The following HYCC2 variants were observed in gnomAD, a reference collection of about 807,000 sequenced individuals.
The protein encoded by HYCC2 is hyccin PI4KA lipid kinase complex subunit 2.
the HYCC2 span, among the ~76,000 whole-genome samples, chr2:201,039,930 T>C: frequency 6.6e-6 from 1 of 152,096 alleles, no homozygotes; most frequent in Admixed American, 6.5e-5. Context: ...ATCCCAGCAC[T>C]TTGGGAGGCC....
chr2:201,029,514 G>GAC, the HYCC2 span, among the ~76,000 whole-genome samples: 11 of 152,254 alleles, frequency 7.2e-5, no homozygotes, highest in Non-Finnish European at 1.5e-4. Context: ...CAATAGCAAA[G>GAC]ACTTGGAACC....
chr2:201,035,861 G>A, the HYCC2 span, among the ~76,000 whole-genome samples: 4 of 152,094 alleles, frequency 2.6e-5, no homozygotes, highest in African/African-American at 9.7e-5. Flanking sequence ...GTTTGCCGGA[G>A]GTCCACTCCA....
At chr2:201,069,949 A>T in the HYCC2 span, among the ~76,000 whole-genome samples, 1 of 152,208 alleles carries the variant, frequency 6.6e-6, no homozygotes, top group Non-Finnish European at 1.5e-5. Flanking sequence ...TCTGACATGC[A>T]GTACCGAAAT....
the HYCC2 span, among the ~76,000 whole-genome samples, chr2:201,017,343 C>A: frequency 1.5e-4 from 23 of 151,860 alleles, no homozygotes; most frequent in African/African-American, 5.3e-4. Flanking sequence ...ATTAAACTGA[C>A]CAATCCACTA....
chr2:201,041,976 T>C, the HYCC2 span, among the ~76,000 whole-genome samples: 2 of 151,794 alleles, frequency 1.3e-5, no homozygotes, highest in African/African-American at 2.4e-5. Flanking sequence ...GGTCCTCCTC[T>C]CCCCTTTGCA....
the HYCC2 span, among the ~76,000 whole-genome samples, chr2:201,010,895 C>T: frequency 6.6e-6 from 1 of 151,456 alleles, no homozygotes; most frequent in Non-Finnish European, 1.5e-5. Context: ...ACCTGTAATC[C>T]CAGCACTTTG....
the HYCC2 span, among the ~76,000 whole-genome samples, chr2:201,020,741 TG>T: frequency 6.6e-6 from 1 of 152,182 alleles, no homozygotes; most frequent in African/African-American, 2.4e-5. Context: ...ATGGTAGATT[TG>T]AATCTGAAAA....
chr2:201,008,764 G>A, the HYCC2 span, among the ~76,000 whole-genome samples: 1 of 152,100 alleles, frequency 6.6e-6, no homozygotes, highest in African/African-American at 2.4e-5. Context: ...CAGGCATGGT[G>A]GTGTACACCT....
At chr2:201,052,454 A>T in the HYCC2 span, among the ~76,000 whole-genome samples, 6 of 152,006 alleles carry the variant, frequency 3.9e-5, no homozygotes, top group African/African-American at 7.2e-5. Context: ...AAAAAATTTT[A>T]AAAATTAGCC....
At chr2:200,982,246 A>C in the HYCC2 span, among the ~76,000 whole-genome samples, 1 of 151,258 alleles carries the variant, frequency 6.6e-6, no homozygotes, top group Non-Finnish European at 1.5e-5. Context: ...AAAAAAAAAA[A>C]CTTTTCCCCT....
At chr2:201,066,143 G>A in the HYCC2 span, among the ~76,000 whole-genome samples, 6 of 150,746 alleles carry the variant, frequency 4.0e-5, no homozygotes, top group Admixed American at 1.3e-4. Flanking sequence ...ACACAATCTT[G>A]GCTCACTGCA....
At chr2:200,983,704 A>C in the HYCC2 span, among the ~76,000 whole-genome samples, 4 of 152,204 alleles carry the variant, frequency 2.6e-5, no homozygotes, top group Non-Finnish European at 5.9e-5. Flanking sequence ...CAATTAGTAT[A>C]AAGAACTCCA....
At chr2:201,024,443 C>T in the HYCC2 span, among the ~76,000 whole-genome samples, 1 of 152,116 alleles carries the variant, frequency 6.6e-6, no homozygotes, top group African/African-American at 2.4e-5. Flanking sequence ...GAGCTATGAT[C>T]GTGCCACTGC....
At chr2:200,994,078 T>C in the HYCC2 span, among the ~76,000 whole-genome samples, 6 of 152,160 alleles carry the variant, frequency 3.9e-5, no homozygotes, top group African/African-American at 1.4e-4. Context: ...AAGGAATAAA[T>C]GTAATGTTAG....
the HYCC2 span, among the ~76,000 whole-genome samples, chr2:201,037,494 C>G: frequency 6.6e-6 from 1 of 152,156 alleles, no homozygotes; most frequent in Non-Finnish European, 1.5e-5. Flanking sequence ...TCAAACTATA[C>G]TACAAGGCTA....
At chr2:201,013,077 A>C in the HYCC2 span, among the ~76,000 whole-genome samples, 1 of 152,006 alleles carries the variant, frequency 6.6e-6, no homozygotes, top group African/African-American at 2.4e-5. Context: ...AACTCATATT[A>C]GCATACATCA....
At chr2:201,061,820 T>C in the HYCC2 span, among the ~76,000 whole-genome samples, 1 of 152,280 alleles carries the variant, frequency 6.6e-6, no homozygotes, top group South Asian at 2.1e-4. Flanking sequence ...ACAGTACACA[T>C]TCTGGCCAGG....
At chr2:201,009,319 T>C in the HYCC2 span, 4 of 364,418 alleles carry the variant, frequency 1.1e-5, no homozygotes, top group Admixed American at 3.9e-5. Flanking sequence ...TTAAAAGTCA[T>C]GTAATAAATC....
At chr2:200,990,569 ATTTT>A in the HYCC2 span, among the ~76,000 whole-genome samples, 1 of 147,856 alleles carries the variant, frequency 6.8e-6, no homozygotes, top group Non-Finnish European at 1.5e-5. Context: ...ATCCCGCTAA[ATTTT>A]TTTTTCTTTT....
Sources: allele counts gnomAD v4.1 joint callset (sites outside exome capture counted in the v4.1 genomes callset), GRCh38; gene constraint gnomAD v4.1.1; transcripts MANE v1.5; gene names NCBI Gene and HGNC (gene_info 2026-07-23, HGNC 2026-07-21).